ANXA6: variants seen among roughly 807,000 people sequenced by gnomAD.
ANXA6 encodes the protein annexin A6.
A neutral mutation model predicts 95.4 loss-of-function variants in ANXA6; 71 were observed. The observed-to-expected ratio is 0.74, with a 90% CI of 0.61 to 0.91. The LOEUF (loss-of-function observed/expected upper bound fraction) is 0.91. ANXA6 is among the 40% of genes least tolerant of loss of function. The pLI, the probability that ANXA6 is intolerant of heterozygous loss-of-function variation, is 0.00. For synonymous variants in ANXA6, 289 were observed against 315.9 expected (o/e 0.91, Z 0.90); for missense variants, 830 against 876.4 (o/e 0.95, Z 0.67).
intron 8 of ANXA6, among the ~76,000 whole-genome samples, chr5:151,133,739 G>A (rs928298086): frequency 2.6e-5 from 4 of 152,116 alleles, no homozygotes; most frequent in African/African-American, 4.8e-5. Context: ...TCTTTCTGGA[G>A]AAACTCCTAC....
At chr5:151,106,519 T>C (rs148734902) in intron 23 of ANXA6, among the ~76,000 whole-genome samples, 2,112 of 152,282 alleles carry the variant, frequency 0.014, 19 homozygotes, top group Middle Eastern at 0.024. Context: ...GGCTTGAATG[T>C]CAAAGCTCCT....
At chr5:151,114,931 T>C (rs1764957201) in intron 20 of ANXA6, among the ~76,000 whole-genome samples, 1 of 152,188 alleles carries the variant, frequency 6.6e-6, no homozygotes, top group Non-Finnish European at 1.5e-5. Flanking sequence ...GTGCGTTATC[T>C]AAGGGGGAGC....
chr5:151,136,982 TTG>T (rs1348807560), intron 6 of ANXA6, among the ~76,000 whole-genome samples: 1 of 152,236 alleles, frequency 6.6e-6, no homozygotes, highest in Admixed American at 6.5e-5. Flanking sequence ...CACCTGTTTA[TTG>T]TGTGTCTCCT....
intron 24 of ANXA6, 53 bp from the exon 25 acceptor site, chr5:151,103,745 G>A: frequency 6.4e-7 from 1 of 1,561,220 alleles, no homozygotes; most frequent in Non-Finnish European, 8.7e-7. Flanking sequence ...ATAGAGCCCA[G>A]TCAGGCAAGA....
intron 1 of ANXA6, among the ~76,000 whole-genome samples, chr5:151,150,756 C>T (rs1158980766): frequency 6.6e-6 from 1 of 152,148 alleles, no homozygotes; most frequent in African/African-American, 2.4e-5. Flanking sequence ...CCACATCTAC[C>T]CCGGGATGAG....
chr5:151,117,908 G>C, intron 18 of ANXA6, 71 bp from the exon 19 acceptor site: 1 of 1,332,330 alleles, frequency 7.5e-7, no homozygotes, highest in Non-Finnish European at 1.1e-6. Flanking sequence ...GGAGGTCCAG[G>C]AAACTCAGGC....
At chr5:151,126,292 C>A in intron 14 of ANXA6, 110 bp downstream of exon 14, 2 of 848,842 alleles carry the variant, frequency 2.4e-6, no homozygotes, top group Non-Finnish European at 3.9e-6. Flanking sequence ...TGAGAATCAA[C>A]GTGTCGGGTT....
intron 20 of ANXA6, among the ~76,000 whole-genome samples, chr5:151,115,802 A>G (rs1347149792): frequency 1.3e-5 from 2 of 152,234 alleles, no homozygotes; most frequent in African/African-American, 2.4e-5. Flanking sequence ...TTTGACAACC[A>G]TATTCCAAAG....
chr5:151,129,893 T>C (rs1243960293), intron 11 of ANXA6, among the ~76,000 whole-genome samples: 3 of 152,150 alleles, frequency 2.0e-5, no homozygotes, highest in Non-Finnish European at 4.4e-5. Context: ...GTATTTTTAG[T>C]AGAGATGGGG....
chr5:151,112,520 A>T (rs1764878910), intron 20 of ANXA6, among the ~76,000 whole-genome samples: 1 of 152,210 alleles, frequency 6.6e-6, no homozygotes, highest in Non-Finnish European at 1.5e-5. Flanking sequence ...TCTGGTTTTT[A>T]AAATATTTTT....
At chr5:151,152,497 T>G (rs1253226790) in intron 1 of ANXA6, among the ~76,000 whole-genome samples, 12 of 152,326 alleles carry the variant, frequency 7.9e-5, no homozygotes, top group Non-Finnish European at 1.3e-4. Flanking sequence ...GTAAGGTTTT[T>G]GTGAAGATTC....
chr5:151,154,281 T>C (rs1050976552), intron 1 of ANXA6, among the ~76,000 whole-genome samples: 4 of 146,518 alleles, frequency 2.7e-5, no homozygotes, highest in Non-Finnish European at 6.0e-5. Flanking sequence ...GGTGATGTCA[T>C]ATGGCAGTTT....
At chr5:151,104,099 C>T (rs12653223) in intron 24 of ANXA6, among the ~76,000 whole-genome samples, 21,023 of 152,148 alleles carry the variant, frequency 0.14, 1,924 homozygotes, top group East Asian at 0.29. Flanking sequence ...AGGCAGAGAC[C>T]GGAGTGATGC....
intron 7 of ANXA6, 29 bp downstream of exon 7, chr5:151,136,227 C>A (rs981211361): frequency 6.2e-7 from 1 of 1,611,450 alleles, no homozygotes; most frequent in Non-Finnish European, 8.5e-7. Flanking sequence ...TCCCAAGCTC[C>A]AGAGGAAAAA....
At chr5:151,108,699 T>C (rs568120740) in intron 22 of ANXA6, 149 bp from the exon 23 acceptor site, 11 of 691,456 alleles carry the variant, frequency 1.6e-5, no homozygotes, top group Admixed American at 7.0e-5. Flanking sequence ...CCTAAATGCA[T>C]TGGGCAAGAT....
Position 151,128,256 on chromosome 5 carries a change from A to G in ANXA6, c.919-17T>C. ...GGTGTCATTCTGAAGAGAAAGAAAG[A>G]AAGGTTACCTCTCACCCAGCCCTGG... On this transcript the variant is annotated splice_polypyrimidine_tract_variant and intron_variant, in intron 12 of 25. Transcript: ENST00000354546. 3.7e-6 allele frequency: 6 copies of G among 1,602,560 alleles called. No homozygotes were observed. Among genetic ancestry groups the G allele is most frequent in the Non-Finnish European group, 5.1e-6 (6 of 1,175,274 alleles).
intron 20 of ANXA6, among the ~76,000 whole-genome samples, chr5:151,114,877 G>C (rs1045541128): frequency 6.6e-6 from 1 of 152,104 alleles, no homozygotes; most frequent in East Asian, 1.9e-4. Context: ...AGACCGCCAG[G>C]GAGGCAGTGT....
rs372396908 is a variant in ANXA6 at position 151,117,173 on chromosome 5, C to T, written c.1526G>A (p.Arg509His). ...GTCCAGGTTTTCTCCTCCCTCCTCA[C>T]GATGCCCCTGCAGCAGGAGCAGCAA... ...RILISLATGH[R>H]EEGGENLDQA... The change falls in exon 20 of 26, where the codon CGT (arginine) becomes CAT (histidine). Residue 509 changes from arginine (R) to histidine (H), a missense_variant. Transcript: ENST00000354546. 78 of 1,591,298 alleles carry T rather than the reference C, an allele frequency of 4.9e-5. No individual in the cohort carries two copies. The highest frequency in any genetic ancestry group is 6.3e-5 in the Non-Finnish European group (74 of 1,166,892).
chr5:151,140,310 T>G, intron 2 of ANXA6, 67 bp from the exon 3 acceptor site: 1 of 1,336,254 alleles, frequency 7.5e-7, no homozygotes, highest in Non-Finnish European at 1.1e-6. Context: ...AGCCCCAACC[T>G]CAGGTCAGAT....
Sources: allele counts gnomAD v4.1 joint callset (sites outside exome capture counted in the v4.1 genomes callset), GRCh38; gene constraint gnomAD v4.1.1; transcripts MANE v1.5; gene names NCBI Gene and HGNC (gene_info 2026-07-23, HGNC 2026-07-21).